ADCY2: variants seen among roughly 807,000 people sequenced by gnomAD.
ADCY2 encodes adenylate cyclase 2.
A neutral mutation model predicts 125.2 loss-of-function variants in ADCY2; 31 were observed. The observed-to-expected ratio is 0.25, with a 90% confidence interval of 0.19 to 0.33. The LOEUF (loss-of-function observed/expected upper bound fraction) is 0.33. Among genes scored for constraint, ADCY2 ranks in the 10% least tolerant of loss-of-function variants. The probability of loss-of-function intolerance (pLI) is 1.00; values close to 1 mark genes in which losing one functional copy is unlikely to be tolerated. For missense variants in ADCY2, 904 were observed against 1,418.2 expected (o/e 0.64, Z 5.82); for synonymous variants, 512 against 548.4 (o/e 0.93, Z 0.93).
chr5:7,705,807 G>A (rs1741249694), intron 7 of ADCY2, among the ~76,000 whole-genome samples: 2 of 152,192 alleles, frequency 1.3e-5, no homozygotes, highest in Non-Finnish European at 2.9e-5. Context: ...TTTTTTCAGA[G>A]TGCGATTTAT....
At chr5:7,517,118 G>A (rs1744278682) in intron 2 of ADCY2, among the ~76,000 whole-genome samples, 1 of 152,164 alleles carries the variant, frequency 6.6e-6, no homozygotes, top group Non-Finnish European at 1.5e-5. Flanking sequence ...TACGTAGGAA[G>A]ATAGGCATGT....
intron 2 of ADCY2, among the ~76,000 whole-genome samples, chr5:7,438,286 G>C (rs189841761): frequency 1.3e-5 from 2 of 152,206 alleles, no homozygotes; most frequent in African/African-American, 4.8e-5. Flanking sequence ...ATTATGGAGA[G>C]GCTAGGCCCT....
intron 19 of ADCY2, among the ~76,000 whole-genome samples, chr5:7,785,194 A>G (rs1197002439): frequency 6.6e-6 from 1 of 152,218 alleles, no homozygotes; most frequent in Non-Finnish European, 1.5e-5. Flanking sequence ...CAATTCCATT[A>G]AATCTGCCCA....
chr5:7,537,851 C>T (rs115402437), intron 3 of ADCY2, among the ~76,000 whole-genome samples: 2,468 of 152,308 alleles, frequency 0.016, 88 homozygotes, highest in African/African-American at 0.056. Flanking sequence ...GGGCTCCTCA[C>T]AGGGCCCTGA....
intron 14 of ADCY2, 55 bp downstream of exon 14, chr5:7,727,316 G>A: frequency 7.2e-7 from 1 of 1,384,774 alleles, no homozygotes; most frequent in Non-Finnish European, 1.0e-6. Context: ...TTCCACTGGA[G>A]CCCAGTTATA....
chr5:7,499,648 GATAT>G (rs70940741), intron 2 of ADCY2, among the ~76,000 whole-genome samples: 9,081 of 118,184 alleles, frequency 0.077, 441 homozygotes, highest in Admixed American at 0.14. Context: ...TATGTGGGTG[GATAT>G]ATATATATAT....
At chr5:7,679,690 A>T (rs746672967) in intron 4 of ADCY2, among the ~76,000 whole-genome samples, 4 of 152,248 alleles carry the variant, frequency 2.6e-5, no homozygotes, top group Non-Finnish European at 4.4e-5. Context: ...GCAGCTGGGC[A>T]CATGGGCAGA....
At chr5:7,520,981 G>A in intron 3 of ADCY2, 82 bp downstream of exon 3, 1 of 1,521,548 alleles carries the variant, frequency 6.6e-7, no homozygotes, top group Non-Finnish European at 9.0e-7. Flanking sequence ...CCCATTCAGG[G>A]TGTGTGTAGT....
chr5:7,670,746 G>C (rs189842331), intron 4 of ADCY2, among the ~76,000 whole-genome samples: 11 of 152,282 alleles, frequency 7.2e-5, no homozygotes, highest in African/African-American at 2.6e-4. Context: ...TCCCTCCCGT[G>C]CACAGTTTAC....
intron 4 of ADCY2, among the ~76,000 whole-genome samples, chr5:7,676,465 C>A (rs1445041777): frequency 6.6e-6 from 1 of 151,960 alleles, no homozygotes; most frequent in Admixed American, 6.6e-5. Context: ...CTTCTCAAAC[C>A]TGTCTAATTT....
chr5:7,637,829 C>A (rs1285192718), intron 4 of ADCY2, among the ~76,000 whole-genome samples: 2 of 152,176 alleles, frequency 1.3e-5, no homozygotes, highest in Admixed American at 1.3e-4. Context: ...CATGTTATAA[C>A]CATATTCCAG....
At chr5:7,443,904 G>T (rs1238703602) in intron 2 of ADCY2, among the ~76,000 whole-genome samples, 1 of 151,736 alleles carries the variant, frequency 6.6e-6, no homozygotes, top group East Asian at 1.9e-4. Flanking sequence ...TGTTGACTTT[G>T]TTTTAAATTT....
chr5:7,588,178 G>A (rs550283329), intron 3 of ADCY2, among the ~76,000 whole-genome samples: 2 of 152,044 alleles, frequency 1.3e-5, no homozygotes, highest in African/African-American at 4.8e-5. Flanking sequence ...TAAAAGAAAG[G>A]ATTCTATCAG....
intron 3 of ADCY2, among the ~76,000 whole-genome samples, chr5:7,530,892 C>A (rs577533208): frequency 2.6e-4 from 39 of 152,120 alleles, no homozygotes; most frequent in Non-Finnish European, 5.3e-4. Context: ...TGGCAAACTC[C>A]TATTCAACCC....
At chr5:7,814,807 C>T (rs953934372) in intron 22 of ADCY2, among the ~76,000 whole-genome samples, 4 of 152,166 alleles carry the variant, frequency 2.6e-5, no homozygotes, top group African/African-American at 7.2e-5. Context: ...TCTTTGTCCC[C>T]GGACCTTTCT....
chr5:7,632,718 C>T (rs1157612209), intron 4 of ADCY2, among the ~76,000 whole-genome samples: 1 of 152,174 alleles, frequency 6.6e-6, no homozygotes, highest in Non-Finnish European at 1.5e-5. Context: ...TACTTAAATT[C>T]TCATGAAGCT....
intron 4 of ADCY2, among the ~76,000 whole-genome samples, chr5:7,683,521 A>G (rs1579312419): frequency 6.6e-6 from 1 of 152,142 alleles, no homozygotes; most frequent in Non-Finnish European, 1.5e-5. Context: ...CAAAGTCACT[A>G]TCTGTGACAC....
intron 14 of ADCY2, among the ~76,000 whole-genome samples, chr5:7,731,817 G>A (rs1032712449): frequency 4.7e-5 from 7 of 149,682 alleles, no homozygotes; most frequent in African/African-American, 9.9e-5. Flanking sequence ...TGGCCAGGCC[G>A]GTCTCAAACT....
chr5:7,499,965 T>C (rs931604401), intron 2 of ADCY2, among the ~76,000 whole-genome samples: 1 of 152,120 alleles, frequency 6.6e-6, no homozygotes, highest in South Asian at 2.1e-4. Flanking sequence ...CTTAACTCTA[T>C]GCTTTTTACA....
Sources: gnomAD v4.1 joint callset for allele counts (sites outside exome capture counted in the v4.1 genomes callset) on GRCh38, gnomAD v4.1.1 for gene constraint, MANE v1.5 for transcripts, NCBI Gene and HGNC (gene_info 2026-07-23, HGNC 2026-07-21) for gene names.